The following CNTNAP5 variants were observed in gnomAD, a reference collection of about 807,000 sequenced individuals.
The protein encoded by CNTNAP5 is contactin-associated protein-like 5.
A neutral mutation model predicts 150.2 loss-of-function variants in CNTNAP5; 72 were observed. That is an observed-to-expected ratio of 0.48 (90% CI 0.40 to 0.58). The LOEUF is 0.58. Among genes scored for constraint, CNTNAP5 ranks in the 20% least tolerant of loss-of-function variants. CNTNAP5 has a pLI of 0.00. For missense variants in CNTNAP5, 1,636 were observed against 1,626.2 expected (o/e 1.01, Z -0.10); for synonymous variants, 672 against 619.8 (o/e 1.08, Z -1.25).
chr2:124,221,972 A>T (rs986743540), intron 2 of CNTNAP5, among the ~76,000 whole-genome samples, 163 bp downstream of exon 2: 8 of 152,188 alleles, frequency 5.3e-5, no homozygotes, highest in African/African-American at 1.9e-4. Context: ...GCATACTTCC[A>T]TAGCATAATA....
intron 1 of CNTNAP5, among the ~76,000 whole-genome samples, chr2:124,126,854 C>T (rs538047748): frequency 6.6e-6 from 1 of 152,266 alleles, no homozygotes; most frequent in African/African-American, 2.4e-5. Flanking sequence ...TGACAAAATT[C>T]AACAATCCTT....
intron 1 of CNTNAP5, among the ~76,000 whole-genome samples, chr2:124,196,387 AT>A (rs1270514143): frequency 6.6e-6 from 1 of 152,204 alleles, no homozygotes; most frequent in Non-Finnish European, 1.5e-5. Flanking sequence ...TGGAAGAAAT[AT>A]TTTGAGGGTT....
intron 3 of CNTNAP5, among the ~76,000 whole-genome samples, chr2:124,318,281 A>G (rs1183227927): frequency 6.6e-6 from 1 of 152,258 alleles, no homozygotes; most frequent in African/African-American, 2.4e-5. Context: ...TTTTAAAAAC[A>G]TTAACATCTA....
intron 1 of CNTNAP5, among the ~76,000 whole-genome samples, chr2:124,197,715 C>T (rs1022421463): frequency 4.6e-5 from 7 of 152,170 alleles, no homozygotes; most frequent in Non-Finnish European, 8.8e-5. Flanking sequence ...GGCGCAGTGG[C>T]TCACGCATGT....
intron 3 of CNTNAP5, among the ~76,000 whole-genome samples, chr2:124,313,268 T>C (rs939702590): frequency 3.3e-5 from 5 of 152,232 alleles, no homozygotes; most frequent in African/African-American, 9.6e-5. Flanking sequence ...TGTTTTGTTT[T>C]GTTTCGTTTT....
At chr2:124,819,492 T>C (rs1375613414) in intron 19 of CNTNAP5, among the ~76,000 whole-genome samples, 2 of 152,254 alleles carry the variant, frequency 1.3e-5, no homozygotes, top group East Asian at 1.9e-4. Context: ...AATTTTCTTA[T>C]AAAAAATGAG....
At chr2:124,299,133 C>T (rs1377433781) in intron 3 of CNTNAP5, among the ~76,000 whole-genome samples, 1 of 152,160 alleles carries the variant, frequency 6.6e-6, no homozygotes, top group Non-Finnish European at 1.5e-5. Context: ...ATATGCTTCC[C>T]ACATCACAGA....
intron 1 of CNTNAP5, among the ~76,000 whole-genome samples, chr2:124,039,824 A>C (rs73954361): frequency 0.011 from 1,593 of 151,706 alleles, 33 homozygotes; most frequent in African/African-American, 0.037. Context: ...TACTCAAAAT[A>C]ATTTACTAAT....
intron 1 of CNTNAP5, among the ~76,000 whole-genome samples, chr2:124,130,998 C>G (rs1443764448): frequency 6.6e-6 from 1 of 152,056 alleles, no homozygotes; most frequent in Non-Finnish European, 1.5e-5. Flanking sequence ...AGAATATTCA[C>G]ATAAATATTA....
chr2:124,860,115 G>T (rs1050987843), intron 19 of CNTNAP5, among the ~76,000 whole-genome samples: 5 of 151,988 alleles, frequency 3.3e-5, no homozygotes, highest in African/African-American at 1.2e-4. Context: ...ACCTTGGGAG[G>T]CCAAAGTGGG....
intron 1 of CNTNAP5, among the ~76,000 whole-genome samples, chr2:124,072,110 A>G (rs1056810473): frequency 6.6e-6 from 1 of 152,042 alleles, no homozygotes; most frequent in Non-Finnish European, 1.5e-5. Flanking sequence ...ACATCTTATC[A>G]GCAGAATGAA....
intron 13 of CNTNAP5, among the ~76,000 whole-genome samples, chr2:124,715,476 T>C (rs1679925859): frequency 6.6e-6 from 1 of 152,132 alleles, no homozygotes. Context: ...ATGTTCCCAC[T>C]GAGGCTGGAA....
intron 21 of CNTNAP5, among the ~76,000 whole-genome samples, chr2:124,900,673 G>T (rs1678398151): frequency 6.6e-6 from 1 of 151,616 alleles, no homozygotes; most frequent in African/African-American, 2.4e-5. Context: ...TGGACACTAT[G>T]TAGGCTTCTT....
intron 13 of CNTNAP5, among the ~76,000 whole-genome samples, chr2:124,708,525 A>T (rs80308957): frequency 7.7e-4 from 118 of 152,282 alleles, no homozygotes; most frequent in African/African-American, 2.6e-3. Context: ...AGCCAAACAA[A>T]GGCGGAAAAT....
At position 124,191,587 on chromosome 2, in the gene CNTNAP5, C is replaced by T. The variant is rs1028089581; in HGVS notation, c.83-30118C>T. Among the ~76,000 whole-genome samples, 8 of 152,170 alleles carry T rather than the reference C, an allele frequency of 5.3e-5. No individual in the cohort carries two copies. In the South Asian group the frequency reaches 1.2e-3, roughly 24 times the overall value. On this transcript the variant is annotated intron_variant, in intron 1 of 23. Transcript: ENST00000682447. ...AGGTTAGATGACAGAGGCAATCATT[C>T]GATATTAGGAGAGTACAGTGGAAGA...
At position 124,903,073 on chromosome 2, in the gene CNTNAP5, G is replaced by A. The variant is rs770625947; in HGVS notation, c.3628G>A (p.Ala1210Thr). The change falls in exon 22 of 24, where the codon GCA becomes ACA. Residue 1210 changes from alanine to threonine, a missense_variant. Ala to Thr is a moderately conservative substitution (Grantham distance 58). Coordinates refer to ENST00000682447, the MANE Select transcript of CNTNAP5 (RefSeq NM_001367498.1). The part of the protein sequence containing the change: ...CGFMVDSDVN[A>T]VTTVHSSSDP... ...CTTCATGGTGGACTCAGATGTGAAT[G>A]CAGTGACCACGGTGCATTCTTCATC... The A allele has an allele frequency of 3.8e-6, 6 of 1,591,954 alleles. No homozygotes were observed. Among genetic ancestry groups the A allele is most frequent in the African/African-American group, 2.7e-5 (2 of 74,658 alleles).
At chr2:124,085,329 T>C (rs1463337614) in intron 1 of CNTNAP5, among the ~76,000 whole-genome samples, 1 of 152,234 alleles carries the variant, frequency 6.6e-6, no homozygotes, top group Non-Finnish European at 1.5e-5. Flanking sequence ...AAGTTTCAGA[T>C]TTATGAGATA....
intron 18 of CNTNAP5, 29 bp from the exon 19 acceptor site, chr2:124,798,067 T>C: frequency 6.5e-7 from 1 of 1,533,096 alleles, no homozygotes; most frequent in Non-Finnish European, 8.9e-7. Context: ...AAGGTTTCAA[T>C]GTGTGCTCTC....
intron 11 of CNTNAP5, among the ~76,000 whole-genome samples, chr2:124,583,941 C>A (rs1696470067): frequency 6.6e-6 from 1 of 152,180 alleles, no homozygotes; most frequent in African/African-American, 2.4e-5. Context: ...CTGGCCCCAG[C>A]ATGTCCTCAT....
Sources: gnomAD v4.1 joint callset for allele counts (sites outside exome capture counted in the v4.1 genomes callset) on GRCh38, gnomAD v4.1.1 for gene constraint, MANE v1.5 for transcripts, NCBI Gene and HGNC (gene_info 2026-07-23, HGNC 2026-07-21) for gene names.